The following TMCO1 variants were observed in gnomAD, a reference collection of about 807,000 sequenced individuals.
TMCO1 encodes transmembrane and coiled-coil domains 1, also known as calcium load-activated calcium channel.
A neutral mutation model predicts 29.3 loss-of-function variants in TMCO1; 29 were observed. The ratio of observed to expected loss-of-function variants is 0.99; its 90% CI spans 0.74 to 1.35. The LOEUF (loss-of-function observed/expected upper bound fraction) is 1.35. Ranked by LOEUF, TMCO1 falls within the 40% of genes most tolerant of loss-of-function variation. TMCO1 has a pLI of 0.00. For synonymous variants in TMCO1, 80 were observed against 77.1 expected, an observed-to-expected ratio of 1.04 and a Z score of -0.20; for missense variants, 173 against 225.5, an observed-to-expected ratio of 0.77 and a Z score of 1.49.
chr1:165,768,430 C>A, intron 1 of TMCO1, 161 bp from the exon 2 acceptor site: 6 of 1,520,868 alleles, frequency 3.9e-6, no homozygotes, highest in African/African-American at 2.7e-5. Flanking sequence ...TCAGCCAAAA[C>A]AACAGTAACA....
intron 2 of TMCO1, among the ~76,000 whole-genome samples, chr1:165,763,792 A>C (rs919526519): frequency 4.0e-5 from 6 of 151,890 alleles, no homozygotes; most frequent in Non-Finnish European, 7.4e-5. Context: ...TGTCAGGCTA[A>C]TTTTTTGTAC....
chr1:165,766,777 TA>T (rs150617255), intron 2 of TMCO1, among the ~76,000 whole-genome samples: 1 of 105,966 alleles, frequency 9.4e-6, no homozygotes, highest in African/African-American at 2.7e-5. Context: ...AATAAATAAA[TA>T]AAAAATAAAA....
intron 4 of TMCO1, 78 bp downstream of exon 4, chr1:165,754,150 G>A: frequency 8.3e-7 from 1 of 1,211,698 alleles, no homozygotes; most frequent in Admixed American, 1.7e-5. Flanking sequence ...AAAGGTGAGT[G>A]CAATGCACTT....
intron 6 of TMCO1, among the ~76,000 whole-genome samples, chr1:165,730,656 G>A (rs1651121991): frequency 6.6e-6 from 1 of 152,182 alleles, no homozygotes; most frequent in Non-Finnish European, 1.5e-5. Flanking sequence ...GTGCAGTGGT[G>A]TGATCACAGC....
At chr1:165,760,584 A>C (rs574368468) in intron 2 of TMCO1, among the ~76,000 whole-genome samples, 14 of 152,256 alleles carry the variant, frequency 9.2e-5, no homozygotes, top group Non-Finnish European at 1.3e-4. Context: ...TGGGCAGATC[A>C]TGAGGTCAAG....
chr1:165,730,246 G>A (rs1387017297), intron 6 of TMCO1, among the ~76,000 whole-genome samples: 3 of 151,904 alleles, frequency 2.0e-5, no homozygotes, highest in African/African-American at 7.3e-5. Flanking sequence ...TGAGGCAGGA[G>A]AATGGCACGA....
At chr1:165,754,651 A>AT (rs1328829791) in intron 3 of TMCO1, among the ~76,000 whole-genome samples, 1 of 152,066 alleles carries the variant, frequency 6.6e-6, no homozygotes, top group African/African-American at 2.4e-5. Flanking sequence ...TAAATTTTCT[A>AT]TTTTTTCAAT....
intron 5 of TMCO1, among the ~76,000 whole-genome samples, chr1:165,746,453 T>TCTCACACACACACACA (rs1553250047): frequency 5.5e-4 from 73 of 132,422 alleles, no homozygotes; most frequent in Non-Finnish European, 1.0e-3. Context: ...AAGACCTATA[T>TCTCACACACACACACA]CACACACACA....
chr1:165,763,065 A>T (rs1360814410), intron 2 of TMCO1, among the ~76,000 whole-genome samples: 1 of 152,188 alleles, frequency 6.6e-6, no homozygotes, highest in Non-Finnish European at 1.5e-5. Flanking sequence ...CTTTTTGGAC[A>T]ACAGTATTCT....
intron 2 of TMCO1, among the ~76,000 whole-genome samples, chr1:165,761,843 G>A (rs574451741): frequency 3.8e-4 from 58 of 152,032 alleles, no homozygotes; most frequent in African/African-American, 1.3e-3. Context: ...CAGCTACTCA[G>A]GAGGCTGAGA....
chr1:165,730,060 G>A (rs539367086), intron 6 of TMCO1, among the ~76,000 whole-genome samples: 6 of 151,630 alleles, frequency 4.0e-5, no homozygotes, highest in African/African-American at 9.7e-5. Context: ...GGTGGCTCAC[G>A]CCTGTAATCC....
chr1:165,738,266 C>T (rs756240605), intron 6 of TMCO1, among the ~76,000 whole-genome samples: 9 of 152,086 alleles, frequency 5.9e-5, no homozygotes, highest in Non-Finnish European at 1.2e-4. Flanking sequence ...GCACTCTAGC[C>T]GGAGCAACAG....
At chr1:165,725,976 T>C, downstream of TMCO1, 1 of 676,926 alleles carries the variant, frequency 1.5e-6, no homozygotes, top group Non-Finnish European at 2.7e-6. Context: ...AATTTGTATA[T>C]GAAAACCTGG....
rs186131048 is a variant in TMCO1, at chr1:165,737,626, G to A, written c.468+5541C>T. On this transcript the variant is annotated intron_variant, in intron 6 of 6. Transcript: ENST00000367881. ...GCTAGAGAAAAGTGACATTACTTAC[G>A]AGGACACAAAGACATGAAGAACTTT... Among the ~76,000 whole-genome samples, 442 of 152,250 alleles carry A rather than the reference G, an allele frequency of 2.9e-3. 1 individual carries two copies. The highest frequency in any genetic ancestry group is 3.3e-3 in the Non-Finnish European group (226 of 68,026).
chr1:165,726,046 G>C (rs1650877485), downstream of TMCO1: 1 of 690,284 alleles, frequency 1.4e-6, no homozygotes, highest in African/African-American at 1.8e-5. Context: ...GAGTGATAGA[G>C]TGTGCTATAT....
intron 5 of TMCO1, among the ~76,000 whole-genome samples, chr1:165,745,519 T>C (rs1214164468): frequency 1.4e-5 from 2 of 147,562 alleles, no homozygotes; most frequent in East Asian, 4.0e-4. Context: ...TCATGGTGCA[T>C]GTCTGTAGTC....
chr1:165,742,195 T>A (rs1371009369), intron 6 of TMCO1, among the ~76,000 whole-genome samples: 1 of 152,174 alleles, frequency 6.6e-6, no homozygotes, highest in Non-Finnish European at 1.5e-5. Context: ...CGAACGGCAA[T>A]ATGTTCAGAA....
downstream of TMCO1, chr1:165,725,970 T>A (rs1394390322): frequency 1.5e-6 from 1 of 673,726 alleles, no homozygotes; most frequent in East Asian, 2.8e-5. Context: ...AAACATAATT[T>A]GTATATGAAA....
intron 2 of TMCO1, among the ~76,000 whole-genome samples, chr1:165,762,628 C>G (rs1170771778): frequency 6.6e-6 from 1 of 152,124 alleles, no homozygotes; most frequent in African/African-American, 2.4e-5. Flanking sequence ...CACCTGACAA[C>G]AAGAAGTAGA....
Sources: allele counts gnomAD v4.1 joint callset (sites outside exome capture counted in the v4.1 genomes callset), GRCh38; gene constraint gnomAD v4.1.1; transcripts MANE v1.5; gene names NCBI Gene and HGNC (gene_info 2026-07-23, HGNC 2026-07-21).